The following MGAM variants were observed in gnomAD, a reference collection of about 807,000 sequenced individuals.
MGAM encodes the protein maltase-glucoamylase.
MGAM carries 253 observed loss-of-function variants against 358.8 expected under a neutral mutation model. That is an observed-to-expected ratio of 0.71 (90% CI 0.64 to 0.78). MGAM has a LOEUF of 0.78. MGAM is among the 30% of genes least tolerant of loss of function. MGAM has a pLI of 0.00. For synonymous variants in MGAM, 1,105 were observed against 1,227.1 expected (o/e 0.90, Z 2.08); for missense variants, 3,080 against 3,432.6 (o/e 0.90, Z 2.57).
chr7:141,996,921 T>C (rs1804281167), intron 1 of MGAM, among the ~76,000 whole-genome samples: 1 of 152,038 alleles, frequency 6.6e-6, no homozygotes, highest in Admixed American at 6.6e-5. Flanking sequence ...ATGGGAGTGC[T>C]CGTGGGAAGA....
intron 2 of MGAM, among the ~76,000 whole-genome samples, chr7:141,988,647 G>A (rs1263737884): frequency 6.6e-6 from 1 of 152,168 alleles, no homozygotes; most frequent in Non-Finnish European, 1.5e-5. Flanking sequence ...TTACAGGCGT[G>A]AGCCACCATG....
chr7:142,054,666 C>G, intron 26 of MGAM, 88 bp from the exon 27 acceptor site: 1 of 1,395,508 alleles, frequency 7.2e-7, no homozygotes, highest in Non-Finnish European at 9.8e-7. Context: ...AGCATCTGAA[C>G]TTTGTGTCCA....
chr7:142,063,867 G>A lies in MGAM; in HGVS notation c.4345+281G>A, dbSNP rs189334693. ...GCTGAGTTTCTTAGTTTTTAGGCTT[G>A]TGTGAATTCCATCACAGGAATTTCT... is the stretch of plus-strand genomic sequence containing the variant. On this transcript the variant is annotated intron_variant, in intron 36 of 70. Coordinates refer to ENST00000475668, the MANE Select transcript of MGAM (RefSeq NM_001365693.1). Among the ~76,000 whole-genome samples the A allele has an allele frequency of 4.8e-4, 73 of 152,304 alleles. 1 individual carries two copies. The highest frequency in any genetic ancestry group is 3.5e-3 in the Admixed American group (53 of 15,304).
Position 142,076,835 on chromosome 7 carries a change from C to T in MGAM, c.5493+9C>T. ...ATGATTCTAACCTGAAGGTAAAAAC[C>T]CATTTTGTTGAGATGGTACATTGAG... is the stretch of plus-strand genomic sequence containing the variant. On this transcript the variant is annotated intron_variant, in intron 47 of 70. Coordinates refer to ENST00000475668, the MANE Select transcript of MGAM (RefSeq NM_001365693.1). The T allele has an allele frequency of 6.5e-7, 1 of 1,549,804 alleles. No homozygotes were observed. The highest frequency in any genetic ancestry group is 8.9e-7 in the Non-Finnish European group (1 of 1,127,450).
At position 142,068,714 on chromosome 7, in the gene MGAM, C is replaced by T. The variant is rs1446476830; in HGVS notation, c.5061+11C>T. 10 of 1,498,012 alleles carry T rather than the reference C, an allele frequency of 6.7e-6. 1 individual carries two copies. The highest frequency in any genetic ancestry group is 8.3e-6 in the Non-Finnish European group (9 of 1,083,000). 92.8% of individuals were successfully genotyped at this position (1,498,012 alleles called of 1,614,324 possible). A position where few individuals can be genotyped will look rare whatever the true frequency, so the allele number is the denominator to read the frequency against. On this transcript the variant is annotated intron_variant, in intron 43 of 70. Transcript: ENST00000475668. Reference sequence around the variant, plus strand: ...TACGATTACTACACGGTAAGTTTTTCTGAATGTTTATATAACACGGGAATG... The same window carrying T: ...TACGATTACTACACGGTAAGTTTTTTTGAATGTTTATATAACACGGGAATG...
intron 36 of MGAM, 35 bp from the exon 37 acceptor site, chr7:142,064,349 G>T (rs2129042756): frequency 6.3e-7 from 1 of 1,588,558 alleles, no homozygotes; most frequent in African/African-American, 1.3e-5. Context: ...ACAGAATCAG[G>T]GCTGGGTTTC....
At chr7:142,044,382 T>C (rs527498924) in intron 21 of MGAM, among the ~76,000 whole-genome samples, 1 of 117,660 alleles carries the variant, frequency 8.5e-6, no homozygotes, top group African/African-American at 2.7e-5. Flanking sequence ...TAATGAATAT[T>C]ATATACACAT....
At chr7:142,042,539 T>A (rs867113174) in intron 21 of MGAM, among the ~76,000 whole-genome samples, 1 of 15,482 alleles carries the variant, frequency 6.5e-5, no homozygotes. Flanking sequence ...ATATATATAA[T>A]ATATATTATA....
At chr7:142,041,994 ATATATT>A (rs1563145427) in intron 21 of MGAM, among the ~76,000 whole-genome samples, 19 of 14,284 alleles carry the variant, frequency 1.3e-3, no homozygotes, top group African/African-American at 4.4e-3. Context: ...TATAATATAT[ATATATT>A]ATATATATAA....
intron 51 of MGAM, 45 bp from the exon 52 acceptor site, chr7:142,082,430 A>T: frequency 7.2e-7 from 1 of 1,392,028 alleles, no homozygotes; most frequent in Non-Finnish European, 9.9e-7. Context: ...TTTCTCAGGC[A>T]TAATGTCTTT....
rs1244711233 is a variant in MGAM, at chr7:142,045,107, TA to T, written c.2499-2677del. On this transcript the variant is annotated intron_variant, in intron 21 of 70. Transcript: ENST00000475668. ...TGATATATAATATGTATATTATATA[TA>T]CGTGCAATATATGATATATAATATG... 3.4e-3 allele frequency among the ~76,000 whole-genome samples: 250 copies of T among 72,702 alleles called. 21 individuals are homozygous for T. Among genetic ancestry groups the T allele is most frequent in the Admixed American group, 5.0e-3 (24 of 4,848 alleles). 47.7% of individuals were successfully genotyped at this position (72,702 alleles called of 152,430 possible). A position where few individuals can be genotyped will look rare whatever the true frequency, so the allele number is the denominator to read the frequency against.
intron 26 of MGAM, 78 bp downstream of exon 26, chr7:142,053,062 C>A: frequency 1.4e-6 from 2 of 1,464,054 alleles, no homozygotes; most frequent in Non-Finnish European, 1.9e-6. Flanking sequence ...GATCACAGAA[C>A]CCTAAAATAA....
At position 142,007,496 on chromosome 7, in the gene MGAM, A is replaced by G. The variant is rs78780970; in HGVS notation, c.128-1010A>G. 3.3e-3 allele frequency among the ~76,000 whole-genome samples: 503 copies of G among 152,232 alleles called. 16 individuals carry two copies. In the South Asian group the frequency reaches 0.059, roughly 18 times the overall value. ...TAGAAAAAAGTCCCAAAGATTGCTC[A>G]ACTCTTAAAATTATGTGATTCTAAA... On this transcript the variant is annotated intron_variant, in intron 2 of 70. Coordinates refer to ENST00000475668, the MANE Select transcript of MGAM (RefSeq NM_001365693.1).
chr7:142,083,419 G>A lies in MGAM; in HGVS notation c.6381+6G>A. 1 of 1,528,002 alleles carries A rather than the reference G, an allele frequency of 6.5e-7. No homozygotes were observed. Among genetic ancestry groups the A allele is most frequent in the Non-Finnish European group, 9.0e-7 (1 of 1,111,714 alleles). 94.7% of individuals were successfully genotyped at this position (1,528,002 alleles called of 1,614,324 possible). On this transcript the variant is annotated splice_donor_region_variant and intron_variant, in intron 53 of 70. Coordinates refer to ENST00000475668, the MANE Select transcript of MGAM (RefSeq NM_001365693.1). The stretch of plus-strand genomic sequence containing the variant: ...TCACCCAGCAGTACACTGAGGTAGG[G>A]AGAAATCCAATTGTTTATCAAGTAC...
chr7:142,014,431 A>G (rs1409392166), intron 3 of MGAM, among the ~76,000 whole-genome samples: 2 of 152,146 alleles, frequency 1.3e-5, no homozygotes, highest in East Asian at 3.9e-4. Context: ...ATTATTTTCT[A>G]TTATTTATTT....
Position 142,082,179 on chromosome 7 carries a change from G to T in MGAM, c.6140G>T (p.Trp2047Leu). ...AGGAGAGACTTGGAGTGGCACACTT[G>T]GGGGATGTTCTCCCGAGACCAGCCC... Reference protein sequence around the residue: ...SYRRDLEWHTWGMFSRDQPPG... With the variant: ...SYRRDLEWHTLGMFSRDQPPG... Residue 2047 changes from tryptophan (W) to leucine (L), a missense_variant, in exon 51 of 71, where the codon TGG becomes TTG. Coordinates refer to ENST00000475668, the MANE Select transcript of MGAM (RefSeq NM_001365693.1). 6.4e-6 allele frequency: 10 copies of T among 1,554,994 alleles called. 2 individuals are homozygous for T. Among genetic ancestry groups the T allele is most frequent in the Non-Finnish European group, 8.8e-6 (10 of 1,132,224 alleles).
chr7:142,057,600 T>C (rs1320266432), intron 30 of MGAM, among the ~76,000 whole-genome samples: 2 of 118,992 alleles, frequency 1.7e-5, no homozygotes, highest in Non-Finnish European at 3.4e-5. Flanking sequence ...ATAATGGTAA[T>C]GGTGGTGGGG....
intron 1 of MGAM, among the ~76,000 whole-genome samples, chr7:142,004,792 G>C (rs575142878): frequency 1.3e-5 from 2 of 152,104 alleles, no homozygotes; most frequent in South Asian, 4.1e-4. Flanking sequence ...AACTGAGAAT[G>C]AGAAAGCTTA....
chr7:142,064,597 T>G (rs1267540473), intron 37 of MGAM, 75 bp downstream of exon 37: 2 of 1,504,662 alleles, frequency 1.3e-6, no homozygotes, highest in East Asian at 4.9e-5. Flanking sequence ...TACCCTAGTT[T>G]TCCTTTCATT....
Sources: allele counts gnomAD v4.1 joint callset (sites outside exome capture counted in the v4.1 genomes callset), GRCh38; gene constraint gnomAD v4.1.1; transcripts MANE v1.5; gene names NCBI Gene and HGNC (gene_info 2026-07-23, HGNC 2026-07-21).